The following TMEM38A variants were observed in gnomAD, a reference collection of about 807,000 sequenced individuals.
TMEM38A encodes the protein transmembrane protein 38A.
Under a neutral mutation model 28.6 loss-of-function variants are expected in TMEM38A, and 17 were observed. The ratio of observed to expected loss-of-function variants is 0.60; its 90% confidence interval spans 0.41 to 0.89. TMEM38A has a LOEUF of 0.89. Among genes scored for constraint, TMEM38A ranks in the 40% least tolerant of loss-of-function variants. TMEM38A has a pLI of 0.00. For missense variants in TMEM38A, 328 were observed against 393.1 expected, an observed-to-expected ratio of 0.83 and a Z score of 1.40; for synonymous variants, 169 against 166.1, an observed-to-expected ratio of 1.02 and a Z score of -0.14.
In TMEM38A at chr19:16,661,947, A is replaced by G. The variant is rs2086683701; in HGVS notation, c.124+606A>G. 6.6e-6 allele frequency among the ~76,000 whole-genome samples: 1 copy of G among 152,126 alleles called. No individual in the cohort carries two copies. The highest frequency in any genetic ancestry group is 1.5e-5 in the Non-Finnish European group (1 of 68,026). On this transcript the variant is annotated intron_variant, in intron 1 of 5. Coordinates refer to ENST00000187762, the MANE Select transcript of TMEM38A (RefSeq NM_024074.4). This position sits in a 1 kb window ranked among gnomAD's most constrained non-coding sequence, Gnocchi z 6.5. ...TCCAGATCCTTTCCACTTACGGAGC[A>G]GAACCGGCCCCAAGGCTGGGTGACT...
intron 4 of TMEM38A, among the ~76,000 whole-genome samples, chr19:16,683,100 A>C (rs1456480361): frequency 6.6e-6 from 1 of 152,050 alleles, no homozygotes; most frequent in East Asian, 1.9e-4. Flanking sequence ...CAGCCTCCTG[A>C]GTACCTGGGA....
chr19:16,678,178 C>T (rs2086760816), intron 1 of TMEM38A, among the ~76,000 whole-genome samples: 1 of 152,126 alleles, frequency 6.6e-6, no homozygotes, highest in South Asian at 2.1e-4. Context: ...TGCCTGTAAT[C>T]CCAGCACTTT....
chr19:16,663,216 G>T (rs2086689628), intron 1 of TMEM38A, among the ~76,000 whole-genome samples: 1 of 151,648 alleles, frequency 6.6e-6, no homozygotes, highest in South Asian at 2.1e-4. Context: ...GGGAGGCGGA[G>T]GTTGCAGTGA....
intron 4 of TMEM38A, among the ~76,000 whole-genome samples, chr19:16,684,874 A>G (rs1434803296): frequency 7.2e-6 from 1 of 138,292 alleles, no homozygotes; most frequent in Non-Finnish European, 1.5e-5. Context: ...CTCCATCTCT[A>G]CAAAAAAAAA....
In TMEM38A at chr19:16,661,347, C is replaced by A. The variant is rs1272036760; in HGVS notation, c.124+6C>A. On this transcript the variant is annotated splice_donor_region_variant and intron_variant, in intron 1 of 5. Coordinates refer to ENST00000187762, the MANE Select transcript of TMEM38A (RefSeq NM_024074.4). This position sits in a 1 kb window ranked among gnomAD's most constrained non-coding sequence, Gnocchi z 6.5. The stretch of plus-strand genomic sequence containing the variant: ...CTACCTCAAGTATGAGCCAGGTGAG[C>A]CGGGGCGGGGGGCTGGAGGGGACCG... 6.3e-7 allele frequency: 1 copy of A among 1,584,424 alleles called. No individual in the cohort carries two copies.
intron 1 of TMEM38A, among the ~76,000 whole-genome samples, chr19:16,678,101 A>G (rs2086760470): frequency 6.6e-6 from 1 of 152,174 alleles, no homozygotes; most frequent in African/African-American, 2.4e-5. Context: ...GGTGGTGATT[A>G]TGGCAAAACA....
At position 16,688,229 on chromosome 19, in the gene TMEM38A, G is replaced by A; in HGVS notation, c.758G>A (p.Cys253Tyr). Residue 253 changes from cysteine (C) to tyrosine (Y), a missense_variant, in exon 6 of 6, where the codon TGC (cysteine) becomes TAC (tyrosine). By Grantham distance (194) the Cys-to-Tyr change is radical (BLOSUM62 -2). Transcript: ENST00000187762. ...YICPVLFGSA[C>Y]GGDHHHDNHG... Reference sequence around the variant, plus strand: ...TGCCCCGTGCTGTTTGGTTCGGCCTGCGGGGGTGACCATCACCACGACAAC... The same window carrying A: ...TGCCCCGTGCTGTTTGGTTCGGCCTACGGGGGTGACCATCACCACGACAAC... 6.3e-7 allele frequency: 1 copy of A among 1,593,230 alleles called. No homozygotes were observed. The highest frequency in any genetic ancestry group is 8.6e-7 in the Non-Finnish European group (1 of 1,169,168).
chr19:16,685,071 T>TAAATAAATAAATAAAG (rs2086796360), intron 4 of TMEM38A, among the ~76,000 whole-genome samples: 1 of 148,614 alleles, frequency 6.7e-6, no homozygotes, highest in African/African-American at 2.5e-5. Context: ...AATAAATAAA[T>TAAATAAATAAATAAAG]AAATAAATAA....
At chr19:16,673,055 C>G (rs1406811519) in intron 1 of TMEM38A, among the ~76,000 whole-genome samples, 3 of 151,298 alleles carry the variant, frequency 2.0e-5, no homozygotes, top group Non-Finnish European at 4.4e-5. Context: ...AGGTCTAGTT[C>G]ACTTTTCTTT....
chr19:16,671,342 A>C (rs777042211), intron 1 of TMEM38A, among the ~76,000 whole-genome samples: 4 of 151,236 alleles, frequency 2.6e-5, no homozygotes, highest in Non-Finnish European at 5.9e-5. Flanking sequence ...AGCTGGGATT[A>C]TAGCCATCCG....
At chr19:16,666,641 T>C (rs144806395) in intron 1 of TMEM38A, among the ~76,000 whole-genome samples, 1 of 151,984 alleles carries the variant, frequency 6.6e-6, no homozygotes, top group Non-Finnish European at 1.5e-5. Flanking sequence ...CTGAGCAGTG[T>C]CAATGTCACC....
chr19:16,684,791 C>T (rs2086794811), intron 4 of TMEM38A, among the ~76,000 whole-genome samples: 1 of 150,668 alleles, frequency 6.6e-6, no homozygotes, highest in Non-Finnish European at 1.5e-5. Flanking sequence ...GTAATCCCAG[C>T]ACTGTGGGAG....
Position 16,680,568 on chromosome 19 carries a change from T to A in TMEM38A, c.453T>A (p.Thr151=). The stretch of plus-strand genomic sequence containing the variant: ...ACGGGTGGTTCGTCATGATTGCAAC[T>A]GGGTGGGTCAAAGGTAAATAGGATG... ...YHHGWFVMIA[T]GWVKGSGVAL... Residue 151 remains threonine, a synonymous_variant, in exon 3 of 6, where the codon ACT becomes ACA. Transcript: ENST00000187762. 6.2e-7 allele frequency: 1 copy of A among 1,613,910 alleles called. No homozygotes were observed. The highest frequency in any genetic ancestry group is 1.3e-5 in the African/African-American group (1 of 75,048).
At chr19:16,670,917 C>G (rs112639822) in intron 1 of TMEM38A, among the ~76,000 whole-genome samples, 1 of 151,774 alleles carries the variant, frequency 6.6e-6, no homozygotes. Context: ...CCAGCCTGGG[C>G]GACAGAGCAA....
chr19:16,688,384 G>A lies in TMEM38A; in HGVS notation c.*13G>A. ...GAAGGCGGATTAGGGGGTGGCCCAA[G>A]GGGCACCGGGGAGAGGACCCGGACC... On this transcript the variant is annotated 3_prime_UTR_variant, in exon 6 of 6. Transcript: ENST00000187762. 1 of 1,544,450 alleles carries A rather than the reference G, an allele frequency of 6.5e-7. No homozygotes were observed. Among genetic ancestry groups the A allele is most frequent in the Non-Finnish European group, 8.7e-7 (1 of 1,149,080 alleles).
At position 16,680,027 on chromosome 19, in the gene TMEM38A, G is replaced by T. The variant is rs772045618; in HGVS notation, c.168G>T (p.Leu56=). 18 of 1,610,706 alleles carry T rather than the reference G, an allele frequency of 1.1e-5. No homozygotes were observed. The highest frequency in any genetic ancestry group is 1.4e-5 in the Non-Finnish European group (17 of 1,180,012). Residue 56 remains leucine, a synonymous_variant, in exon 2 of 6, where the codon CTG becomes CTT. Transcript: ENST00000187762. ...LSRRHPIASW[L]CAMLHCFGSY... ...GGCGCCACCCCATCGCGTCCTGGCT[G>T]TGCGCCATGCTGCATTGCTTCGGGA...
chr19:16,673,146 A>G (rs1177232504), intron 1 of TMEM38A, among the ~76,000 whole-genome samples: 1 of 152,070 alleles, frequency 6.6e-6, no homozygotes, highest in East Asian at 1.9e-4. Flanking sequence ...CAGTGGCGCA[A>G]TCTTGGCTCA....
chr19:16,665,102 C>G (rs928864480), intron 1 of TMEM38A, among the ~76,000 whole-genome samples: 8 of 152,114 alleles, frequency 5.3e-5, no homozygotes, highest in African/African-American at 1.9e-4. Flanking sequence ...CAAGACCAGC[C>G]TGACCTACAT....
At chr19:16,675,385 G>A (rs548252717) in intron 1 of TMEM38A, among the ~76,000 whole-genome samples, 7 of 151,748 alleles carry the variant, frequency 4.6e-5, no homozygotes, top group African/African-American at 1.2e-4. Context: ...CTGCCATCAC[G>A]CCCAGCTAAT....
Sources: gnomAD v4.1 joint callset for allele counts (sites outside exome capture counted in the v4.1 genomes callset) on GRCh38, gnomAD v4.1.1 for gene constraint, Gnocchi (gnomAD v3.1) non-coding constraint, MANE v1.5 for transcripts, NCBI Gene and HGNC (gene_info 2026-07-23, HGNC 2026-07-21) for gene names.